The following DEPDC5 variants were observed in gnomAD, a reference collection of about 807,000 sequenced individuals.
DEPDC5 encodes DEP domain containing 5, GATOR1 subcomplex subunit, also known as GATOR1 complex protein DEPDC5.
In DEPDC5, 73 loss-of-function variants were observed where a neutral mutation model predicts 217.3. That is an observed-to-expected ratio of 0.34 (90% CI 0.28 to 0.41). The LOEUF is 0.41. DEPDC5 is among the 10% of genes least tolerant of loss of function. The pLI is 1.00. For missense variants in DEPDC5, 1,675 were observed against 2,070.1 expected (o/e 0.81, Z 3.70); for synonymous variants, 733 against 756.7 (o/e 0.97, Z 0.51).
chr22:31,887,765 C>T (rs2093350302), intron 38 of DEPDC5, among the ~76,000 whole-genome samples: 1 of 152,156 alleles, frequency 6.6e-6, no homozygotes, highest in South Asian at 2.1e-4. Flanking sequence ...CCAATAACAG[C>T]TCTCAGCCCT....
At chr22:31,904,753 A>G (rs577286825) in intron 41 of DEPDC5, among the ~76,000 whole-genome samples, 1 of 152,234 alleles carries the variant, frequency 6.6e-6, no homozygotes, top group Non-Finnish European at 1.5e-5. Context: ...GATTTTGCAA[A>G]GGCAAAATCC....
chr22:31,766,702 T>C (rs932345280), intron 6 of DEPDC5, 34 bp downstream of exon 6: 3 of 1,582,280 alleles, frequency 1.9e-6, no homozygotes, highest in Non-Finnish European at 2.6e-6. Context: ...GTCTGTTACT[T>C]TTTCCATTAT....
intron 5 of DEPDC5, among the ~76,000 whole-genome samples, chr22:31,766,358 A>G (rs1316120172): frequency 2.0e-5 from 3 of 152,152 alleles, no homozygotes; most frequent in Non-Finnish European, 4.4e-5. Context: ...TACCCATCAC[A>G]CTCAATGTGC....
chr22:31,797,686 T>C lies in DEPDC5; in HGVS notation c.854T>C (p.Val285Ala). 1 of 1,613,600 alleles carries C rather than the reference T, an allele frequency of 6.2e-7. No homozygotes were observed. Among genetic ancestry groups the C allele is most frequent in the Non-Finnish European group, 8.5e-7 (1 of 1,179,568 alleles). Residue 285 changes from valine (V) to alanine (A), a missense_variant, in exon 13 of 43, where the codon GTG (valine) becomes GCG (alanine). Around this residue, in one of 11 missense-constraint regions of DEPDC5, gnomAD observed 628 missense variants for 762.1 expected, o/e 0.82. Transcript: ENST00000651528. ...CTCTTCATCCAGTATCCAGTGTTGG[T>C]GCGACTGGAACAGGCAGGTACTGCA... Reference protein sequence around the residue: ...KKLFIQYPVLVRLEQAEGFPQ... With the variant: ...KKLFIQYPVLARLEQAEGFPQ...
chr22:31,821,363 G>T, intron 22 of DEPDC5, 139 bp from the exon 23 acceptor site: 1 of 1,170,176 alleles, frequency 8.5e-7, no homozygotes, highest in Non-Finnish European at 1.2e-6. Flanking sequence ...TCCTTTGGGA[G>T]CCACCCTCTG....
rs756611357 is a variant in DEPDC5, at chr22:31,843,107, G to A, written c.2528G>A (p.Arg843Gln). The stretch of plus-strand genomic sequence containing the variant: ...ATTTTTCTGTTAGGCCTTGTGTCCC[G>A]AAACCGCCCTGAGGAGGAGGACCAG... ...SPLYSRGLVS[R>Q]NRPEEEDQYW... The change falls in exon 28 of 43, where the codon CGA (arginine) becomes CAA (glutamine). Residue 843 changes from arginine (R) to glutamine (Q), a missense_variant. Transcript: ENST00000651528. 13 of 1,613,118 alleles carry A rather than the reference G, an allele frequency of 8.1e-6. No homozygotes were observed. Among genetic ancestry groups the A allele is most frequent in the East Asian group, 2.2e-5 (1 of 44,844 alleles).
intron 37 of DEPDC5, among the ~76,000 whole-genome samples, chr22:31,877,108 A>C (rs375030688): frequency 2.6e-4 from 39 of 151,642 alleles, no homozygotes; most frequent in East Asian, 1.9e-3. Flanking sequence ...GTGCTGCTGT[A>C]CTGCAGCCTG....
At chr22:31,837,711 T>A (rs1399199657) in intron 26 of DEPDC5, among the ~76,000 whole-genome samples, 5 of 151,984 alleles carry the variant, frequency 3.3e-5, no homozygotes, top group Non-Finnish European at 7.4e-5. Flanking sequence ...CTTTTTTTTT[T>A]ATTTTTTTGA....
chr22:31,796,840 G>A (rs1418012945), intron 12 of DEPDC5, among the ~76,000 whole-genome samples: 1 of 151,832 alleles, frequency 6.6e-6, no homozygotes, highest in Non-Finnish European at 1.5e-5. Context: ...GGGATTACAG[G>A]TGCCTGCCAC....
intron 33 of DEPDC5, among the ~76,000 whole-genome samples, 171 bp from the exon 34 acceptor site, chr22:31,870,419 T>C (rs2092808732): frequency 6.6e-6 from 1 of 152,202 alleles, no homozygotes; most frequent in African/African-American, 2.4e-5. Flanking sequence ...ACTTTAGCTG[T>C]GCCACTAGGG....
At chr22:31,760,730 T>C in intron 4 of DEPDC5, 28 bp downstream of exon 4, 1 of 1,567,582 alleles carries the variant, frequency 6.4e-7, no homozygotes, top group East Asian at 2.2e-5. Context: ...CTTCTTAGAA[T>C]TTTTTATTTA....
chr22:31,784,409 A>G lies in DEPDC5; in HGVS notation c.563-405A>G, dbSNP rs1017639375. On this transcript the variant is annotated intron_variant, in intron 9 of 42. Coordinates refer to ENST00000651528, the MANE Select transcript of DEPDC5 (RefSeq NM_001242896.3). ...TTTGGGAGGCTGAGGTGGGCGGATC[A>G]CCTGAGGTCAGGAGTTGGAGACCAG... The G allele has an allele frequency of 3.6e-5, 7 of 193,222 alleles. No homozygotes were observed. The South Asian group carries it at 6.9e-4, about 19-fold the overall frequency. The allele number at this position is 193,222 out of a possible 1,614,324, so 12.0% of individuals were successfully genotyped here.
At chr22:31,882,037 A>G (rs2093190590) in intron 38 of DEPDC5, among the ~76,000 whole-genome samples, 1 of 152,086 alleles carries the variant, frequency 6.6e-6, no homozygotes, top group Non-Finnish European at 1.5e-5. Context: ...AGAAGCCAAT[A>G]GTCCAGCAAC....
intron 2 of DEPDC5, 33 bp downstream of exon 2, chr22:31,755,012 A>G: frequency 6.2e-7 from 1 of 1,613,820 alleles, no homozygotes; most frequent in South Asian, 1.1e-5. Context: ...AGGTTTTGTA[A>G]GTTGGCTGAG....
intron 4 of DEPDC5, among the ~76,000 whole-genome samples, chr22:31,763,608 T>C (rs1240647175): frequency 6.6e-6 from 1 of 151,686 alleles, no homozygotes; most frequent in African/African-American, 2.4e-5. Flanking sequence ...CACAGGATCA[T>C]GCCTGGCTAA....
At chr22:31,880,947 G>A (rs969710274) in intron 38 of DEPDC5, among the ~76,000 whole-genome samples, 3 of 151,782 alleles carry the variant, frequency 2.0e-5, no homozygotes, top group South Asian at 2.1e-4. Flanking sequence ...CCTGGGCGGC[G>A]GAGCCTGCAG....
chr22:31,764,897 T>C, intron 4 of DEPDC5, 78 bp from the exon 5 acceptor site: 1 of 1,036,084 alleles, frequency 9.7e-7, no homozygotes, highest in Non-Finnish European at 1.5e-6. Context: ...CTTACTGAGT[T>C]GAGTGTTTAT....
chr22:31,895,788 A>G (rs1232282291), intron 39 of DEPDC5, among the ~76,000 whole-genome samples: 1 of 151,746 alleles, frequency 6.6e-6, no homozygotes, highest in Non-Finnish European at 1.5e-5. Flanking sequence ...GTCTGCCTCC[A>G]CATGGCATTA....
chr22:31,837,351 C>A, intron 26 of DEPDC5, 196 bp downstream of exon 26: 1 of 622,816 alleles, frequency 1.6e-6, no homozygotes, highest in Non-Finnish European at 2.6e-6. Context: ...CTTTTTTTTT[C>A]CTTTTTTTTT....
Sources: allele counts gnomAD v4.1 joint callset (sites outside exome capture counted in the v4.1 genomes callset), GRCh38; gene constraint gnomAD v4.1.1; regional missense constraint gnomAD v4.1.1; transcripts MANE v1.5; gene names NCBI Gene and HGNC (gene_info 2026-07-23, HGNC 2026-07-21).